Variants in AGO4 observed in about 807,000 individuals in gnomAD.
The protein encoded by AGO4 is protein argonaute-4.
Under a neutral mutation model 104.7 loss-of-function variants are expected in AGO4, and 33 were observed. The observed-to-expected ratio is 0.32, with a 90% CI of 0.24 to 0.42. The LOEUF (loss-of-function observed/expected upper bound fraction) is 0.42, where lower values mean the gene tolerates loss of function less well. Among genes scored for constraint, AGO4 ranks in the 10% least tolerant of loss-of-function variants. AGO4 has a pLI of 1.00. For synonymous variants in AGO4, 331 were observed against 364.7 expected (o/e 0.91, Z 1.05); for missense variants, 711 against 1,083.4 (o/e 0.66, Z 4.83).
chr1:35,818,346 G>A (rs1183656821), intron 2 of AGO4, among the ~76,000 whole-genome samples: 2 of 152,108 alleles, frequency 1.3e-5, no homozygotes, highest in Middle Eastern at 3.2e-3. Context: ...ACAGCAGGCC[G>A]GGCGTGATGG....
intron 2 of AGO4, among the ~76,000 whole-genome samples, chr1:35,817,417 A>G (rs1400095951): frequency 6.6e-6 from 1 of 152,034 alleles, no homozygotes; most frequent in African/African-American, 2.4e-5. Context: ...AGATGTATAT[A>G]TATATATATA....
chr1:35,853,451 G>T (rs546846793), intron 17 of AGO4, 46 bp from the exon 18 acceptor site: 2 of 1,530,498 alleles, frequency 1.3e-6, no homozygotes, highest in Admixed American at 2.1e-5. Context: ...TTGGTTTTTT[G>T]TTTGTTTGTT....
chr1:35,829,879 A>C (rs1644135755), intron 7 of AGO4, among the ~76,000 whole-genome samples: 1 of 149,414 alleles, frequency 6.7e-6, no homozygotes, highest in Non-Finnish European at 1.5e-5. Context: ...CAAGATTAAA[A>C]CCCGGCATGG....
At chr1:35,818,964 G>A (rs1643820605) in intron 2 of AGO4, among the ~76,000 whole-genome samples, 1 of 152,132 alleles carries the variant, frequency 6.6e-6, no homozygotes, top group Non-Finnish European at 1.5e-5. Context: ...AGCAGGTAAG[G>A]GTGAAAAGCA....
intron 8 of AGO4, 50 bp downstream of exon 8, chr1:35,831,624 T>C (rs750675635): frequency 6.3e-7 from 1 of 1,581,052 alleles, no homozygotes; most frequent in South Asian, 1.2e-5. Flanking sequence ...AATGAGTATA[T>C]ATTTTTAAGT....
intron 1 of AGO4, among the ~76,000 whole-genome samples, chr1:35,814,625 T>C (rs1252610889): frequency 1.3e-5 from 2 of 152,144 alleles, no homozygotes; most frequent in African/African-American, 4.8e-5. Context: ...ACTTGCTCTA[T>C]GGGTTCCCCT....
chr1:35,820,402 G>T (rs367861517), intron 2 of AGO4, among the ~76,000 whole-genome samples: 1 of 152,076 alleles, frequency 6.6e-6, no homozygotes, highest in African/African-American at 2.4e-5. Context: ...CTGTCACCCA[G>T]GTTGGAGTGC....
At chr1:35,853,176 G>A (rs1233777924) in intron 17 of AGO4, among the ~76,000 whole-genome samples, 4 of 151,514 alleles carry the variant, frequency 2.6e-5, no homozygotes, top group Non-Finnish European at 4.4e-5. Context: ...GTGTAAACCC[G>A]GGAGGCAGAG....
intron 2 of AGO4, among the ~76,000 whole-genome samples, chr1:35,818,657 GA>G (rs1557552212): frequency 1.4e-4 from 17 of 124,860 alleles, no homozygotes; most frequent in East Asian, 8.3e-4. Flanking sequence ...AAGAAAGAAA[GA>G]AAGGAAGAAA....
intron 17 of AGO4, among the ~76,000 whole-genome samples, chr1:35,853,265 A>G (rs184616956): frequency 0.056 from 8,554 of 151,526 alleles, 310 homozygotes; most frequent in South Asian, 0.065. Context: ...AAAAAAAAAA[A>G]AAAGAAATTC....
intron 16 of AGO4, 28 bp from the exon 17 acceptor site, chr1:35,850,826 A>AC (rs771060498): frequency 1.2e-5 from 18 of 1,541,498 alleles, no homozygotes; most frequent in East Asian, 4.5e-5. Flanking sequence ...ACAAAAAAAA[A>AC]ACATTAATCA....
At chr1:35,821,729 A>T (rs1643889733) in intron 2 of AGO4, among the ~76,000 whole-genome samples, 1 of 152,190 alleles carries the variant, frequency 6.6e-6, no homozygotes, top group Admixed American at 6.6e-5. Context: ...TTGAAATAAG[A>T]CAAGCACTTT....
At chr1:35,823,067 C>A in intron 3 of AGO4, 85 bp downstream of exon 3, 1 of 1,482,160 alleles carries the variant, frequency 6.7e-7, no homozygotes, top group Non-Finnish European at 9.2e-7. Context: ...CCAACACACA[C>A]AAAAAACATA....
At chr1:35,818,658 A>AAAGAAAGGAAGGAAGG (rs1553144552) in intron 2 of AGO4, among the ~76,000 whole-genome samples, 7 of 61,578 alleles carry the variant, frequency 1.1e-4, no homozygotes, top group African/African-American at 2.8e-4. Flanking sequence ...AGAAAGAAAG[A>AAAGAAAGGAAGGAAGG]AAGGAAGAAA....
At chr1:35,850,788 AAAAAAAAAAAAC>A in intron 16 of AGO4, 54 bp from the exon 17 acceptor site, 1 of 990,346 alleles carries the variant, frequency 1.0e-6, no homozygotes, top group Non-Finnish European at 1.4e-6. Context: ...CTCAAAAAAA[AAAAAAAAAAAAC>A]AAAAACAAAA....
intron 2 of AGO4, among the ~76,000 whole-genome samples, chr1:35,818,625 A>AAAAGAAAG (rs60952067): frequency 0.016 from 2,018 of 126,072 alleles, 39 homozygotes; most frequent in African/African-American, 0.033. Flanking sequence ...CTCTGTCTCA[A>AAAAGAAAG]AAAGAAAGAA....
Position 35,817,019 on chromosome 1 carries a change from C to A in AGO4, c.157C>A (p.Pro53Thr). 3 of 1,610,640 alleles carry A rather than the reference C, an allele frequency of 1.9e-6. No homozygotes were observed. Among genetic ancestry groups the A allele is most frequent in the Middle Eastern group, 3.3e-4 (2 of 6,048 alleles). ...GTATCACTATGATGTGGATATTAAGCCTGAAAAACGGCCTCGTAGAGTCAA... is the reference window on the plus strand; with the variant it reads ...GTATCACTATGATGTGGATATTAAGACTGAAAAACGGCCTCGTAGAGTCAA... ...DVYHYDVDIKPEKRPRRVNRE... is the reference protein window; with the variant it reads ...DVYHYDVDIKTEKRPRRVNRE... The change falls in exon 2 of 18, where the codon CCT (proline) becomes ACT (threonine). Residue 53 changes from proline to threonine, a missense_variant. Coordinates refer to ENST00000373210, the MANE Select transcript of AGO4 (RefSeq NM_017629.4).
rs1204358285 is a variant in AGO4, at chr1:35,808,341, G to C, written c.-76G>C. 2 of 557,594 alleles carry C rather than the reference G, an allele frequency of 3.6e-6. No homozygotes were observed. The highest frequency in any genetic ancestry group is 7.5e-5 in the South Asian group (1 of 13,384). The allele number at this position is 557,594 out of a possible 1,614,324, so 34.5% of individuals were successfully genotyped here. On this transcript the variant is annotated 5_prime_UTR_variant, in exon 1 of 18. Coordinates refer to ENST00000373210, the MANE Select transcript of AGO4 (RefSeq NM_017629.4). This position sits in a 1 kb window ranked among gnomAD's most constrained non-coding sequence, Gnocchi z 5.2. ...ATATTCCGGAGATCAAGCGTTACGCGGCGGCGGCGGCGGCGGCGGCGGGGC... is the reference window on the plus strand; with the variant it reads ...ATATTCCGGAGATCAAGCGTTACGCCGCGGCGGCGGCGGCGGCGGCGGGGC...
intron 11 of AGO4, among the ~76,000 whole-genome samples, 196 bp from the exon 12 acceptor site, chr1:35,833,794 G>A (rs1421148673): frequency 6.6e-6 from 1 of 152,156 alleles, no homozygotes; most frequent in Non-Finnish European, 1.5e-5. Context: ...CTGTTTAACT[G>A]CAAGTTAAAT....
Sources: allele counts gnomAD v4.1 joint callset (sites outside exome capture counted in the v4.1 genomes callset), GRCh38; gene constraint gnomAD v4.1.1; non-coding constraint Gnocchi (gnomAD v3.1); transcripts MANE v1.5; gene names NCBI Gene and HGNC (gene_info 2026-07-23, HGNC 2026-07-21).